Variants in LDB2 observed in about 807,000 individuals in gnomAD.
LDB2 encodes the protein LIM domain-binding protein 2.
Under a neutral mutation model 44.3 loss-of-function variants are expected in LDB2, and 12 were observed. The ratio of observed to expected loss-of-function variants is 0.27; its 90% CI spans 0.17 to 0.44. LDB2 has a LOEUF of 0.44. Ranked by LOEUF, LDB2 falls within the 20% of genes least tolerant of loss-of-function variation. LDB2 has a pLI of 1.00. For missense variants in LDB2, 344 were observed against 473.5 expected, an observed-to-expected ratio of 0.73 and a Z score of 2.54; for synonymous variants, 164 against 174.8, an observed-to-expected ratio of 0.94 and a Z score of 0.49.
intron 2 of LDB2, among the ~76,000 whole-genome samples, chr4:16,680,149 T>C (rs1747445879): frequency 6.6e-6 from 1 of 152,182 alleles, no homozygotes; most frequent in Admixed American, 6.5e-5. Flanking sequence ...CTCTCTGTCA[T>C]GCCGGGATAC....
intron 1 of LDB2, among the ~76,000 whole-genome samples, chr4:16,860,650 C>G (rs989554610): frequency 6.6e-6 from 1 of 152,184 alleles, no homozygotes; most frequent in Non-Finnish European, 1.5e-5. Context: ...TTCTCACAGC[C>G]AAATGCTCTA....
chr4:16,831,722 T>G (rs989506618), intron 1 of LDB2, among the ~76,000 whole-genome samples: 8 of 152,184 alleles, frequency 5.3e-5, no homozygotes, highest in African/African-American at 1.9e-4. Flanking sequence ...AATTGGACAC[T>G]TGGATATTAA....
Position 16,718,665 on chromosome 4 carries a change from T to TAGA in LDB2, c.235+40492_235+40493insTCT, listed in dbSNP as rs563264915. 9.1e-3 allele frequency among the ~76,000 whole-genome samples: 1,387 copies of TAGA among 152,126 alleles called. 8 individuals are homozygous for TAGA. The highest frequency in any genetic ancestry group is 0.014 in the Non-Finnish European group (969 of 67,968). ...GGTCAACAATTTGAGAATCACGGAGTACTTCCTACCCTAGAGATTCATGAC... is the reference window on the plus strand; with the variant it reads ...GGTCAACAATTTGAGAATCACGGAGTAGAACTTCCTACCCTAGAGATTCATGAC... On this transcript the variant is annotated intron_variant, in intron 2 of 7. Transcript: ENST00000304523.
At chr4:16,507,251 C>G (rs1719843400) in intron 7 of LDB2, 1 of 152,108 alleles carries the variant, frequency 6.6e-6, no homozygotes, top group South Asian at 2.1e-4. Context: ...GTCATTCTCC[C>G]CATGACCCCT....
At chr4:16,733,889 T>A (rs908689028) in intron 2 of LDB2, among the ~76,000 whole-genome samples, 2 of 152,206 alleles carry the variant, frequency 1.3e-5, no homozygotes, top group Non-Finnish European at 2.9e-5. Flanking sequence ...GGCTTATTTT[T>A]AAAAATATTG....
intron 1 of LDB2, among the ~76,000 whole-genome samples, chr4:16,795,977 A>T (rs1776652571): frequency 6.6e-6 from 1 of 152,122 alleles, no homozygotes; most frequent in South Asian, 2.1e-4. Context: ...AAGTCAAAGA[A>T]ATTTGGGAAA....
intron 5 of LDB2, among the ~76,000 whole-genome samples, chr4:16,514,696 C>T: frequency 6.6e-6 from 1 of 152,192 alleles, no homozygotes; most frequent in East Asian, 1.9e-4. Context: ...GGAATATGCA[C>T]ATCACAGGGG....
chr4:16,763,275 A>G (rs1276319711), intron 1 of LDB2, among the ~76,000 whole-genome samples: 1 of 152,236 alleles, frequency 6.6e-6, no homozygotes, highest in Non-Finnish European at 1.5e-5. Context: ...TAAATTTCTT[A>G]TCGTGGCATC....
intron 2 of LDB2, among the ~76,000 whole-genome samples, chr4:16,617,880 G>A (rs894093977): frequency 5.3e-5 from 8 of 152,196 alleles, no homozygotes; most frequent in Non-Finnish European, 1.2e-4. Context: ...CTGTATTGAT[G>A]GAGTCCTTTA....
intron 2 of LDB2, among the ~76,000 whole-genome samples, chr4:16,703,873 G>GT (rs1754029416): frequency 6.6e-6 from 1 of 152,196 alleles, no homozygotes; most frequent in Admixed American, 6.5e-5. Context: ...AATTTAGTAA[G>GT]TTTACAACAT....
chr4:16,618,823 G>C (rs1358651164), intron 2 of LDB2, among the ~76,000 whole-genome samples: 1 of 152,166 alleles, frequency 6.6e-6, no homozygotes, highest in Non-Finnish European at 1.5e-5. Flanking sequence ...CTGGTGGGAG[G>C]TAAAGGAATC....
chr4:16,674,842 C>A (rs1745854173), intron 2 of LDB2, among the ~76,000 whole-genome samples: 1 of 152,026 alleles, frequency 6.6e-6, no homozygotes, highest in South Asian at 2.1e-4. Context: ...TCCCTCTCTT[C>A]TTCGGTGAAT....
chr4:16,687,430 CA>C (rs1236944823), intron 2 of LDB2, among the ~76,000 whole-genome samples: 1 of 152,160 alleles, frequency 6.6e-6, no homozygotes, highest in East Asian at 1.9e-4. Flanking sequence ...CACTAGACAC[CA>C]GATCTTCTGG....
intron 2 of LDB2, among the ~76,000 whole-genome samples, chr4:16,722,163 A>T (rs368498487): frequency 6.6e-6 from 1 of 152,134 alleles, no homozygotes; most frequent in East Asian, 1.9e-4. Context: ...ACTTCATGAA[A>T]GCTTTCTTCC....
intron 2 of LDB2, among the ~76,000 whole-genome samples, chr4:16,713,922 A>G (rs1426880339): frequency 6.6e-6 from 1 of 152,172 alleles, no homozygotes; most frequent in Non-Finnish European, 1.5e-5. Context: ...ATGTCCATTG[A>G]TAGATTATTT....
chr4:16,827,145 G>A (rs138693433), intron 1 of LDB2, among the ~76,000 whole-genome samples: 83 of 152,220 alleles, frequency 5.5e-4, no homozygotes, highest in African/African-American at 1.7e-3. Context: ...CCATCACCAA[G>A]AAACAAGAAT....
At chr4:16,516,202 T>C (rs1383628045) in intron 5 of LDB2, among the ~76,000 whole-genome samples, 1 of 152,190 alleles carries the variant, frequency 6.6e-6, no homozygotes, top group African/African-American at 2.4e-5. Context: ...TATGCATCCT[T>C]GGGTAAGTTA....
At chr4:16,581,466 T>C (rs1714427471) in intron 5 of LDB2, 1 of 984,772 alleles carries the variant, frequency 1.0e-6, no homozygotes, top group Non-Finnish European at 1.2e-6. Context: ...TCAGCCAGGG[T>C]GTATTGTTTT....
chr4:16,611,791 A>G (rs1409399645), intron 2 of LDB2, among the ~76,000 whole-genome samples: 2 of 152,158 alleles, frequency 1.3e-5, no homozygotes, highest in Non-Finnish European at 1.5e-5. Flanking sequence ...CACTGTCAGT[A>G]TTAGACAGAT....
Sources: allele counts gnomAD v4.1 joint callset (sites outside exome capture counted in the v4.1 genomes callset), GRCh38; gene constraint gnomAD v4.1.1; transcripts MANE v1.5; gene names NCBI Gene and HGNC (gene_info 2026-07-23, HGNC 2026-07-21).